Variants in TYW1 observed in about 807,000 individuals in gnomAD.
TYW1 encodes the protein S-adenosyl-L-methionine-dependent tRNA 4-demethylwyosine synthase TYW1.
In TYW1, 46 loss-of-function variants were observed where a neutral mutation model predicts 96.2. That is an observed-to-expected ratio of 0.48 (90% CI 0.38 to 0.61). TYW1 has a LOEUF of 0.61. Ranked by LOEUF, TYW1 falls within the 20% of genes least tolerant of loss-of-function variation. TYW1 has a pLI of 0.00. For missense variants in TYW1, 684 were observed against 909.6 expected, an observed-to-expected ratio of 0.75 and a Z score of 3.19; for synonymous variants, 274 against 323.0, an observed-to-expected ratio of 0.85 and a Z score of 1.63.
At chr7:67,067,131 A>T in intron 9 of TYW1, 154 bp from the exon 10 acceptor site, 1 of 818,440 alleles carries the variant, frequency 1.2e-6, no homozygotes, top group Non-Finnish European at 2.0e-6. Flanking sequence ...CAAAACACTG[A>T]AATGCTCTGA....
At chr7:67,038,237 G>A (rs1794901128) in intron 7 of TYW1, among the ~76,000 whole-genome samples, 1 of 151,994 alleles carries the variant, frequency 6.6e-6, no homozygotes, top group Non-Finnish European at 1.5e-5. Flanking sequence ...TGGGAGGCAG[G>A]GGTTGCAGTG....
At chr7:67,086,821 C>T (rs991861945) in intron 11 of TYW1, among the ~76,000 whole-genome samples, 8 of 152,056 alleles carry the variant, frequency 5.3e-5, no homozygotes, top group Admixed American at 2.6e-4. Flanking sequence ...ATCTGGACGC[C>T]GTGACCCAGA....
rs536910395 is a variant in TYW1 at position 67,103,348 on chromosome 7, C to T, written c.1562+4630C>T. The stretch of plus-strand genomic sequence containing the variant: ...GAAGTCCTAAGTATAAGACAACCCT[C>T]CTAGCCCCACATTTTCCCAATGAAA... On this transcript the variant is annotated intron_variant, in intron 12 of 15. Transcript: ENST00000359626. 5.9e-5 allele frequency among the ~76,000 whole-genome samples: 9 copies of T among 152,288 alleles called. 1 individual carries two copies. The South Asian group carries it at 1.9e-3, about 32-fold the overall frequency.
rs769737949 is a variant in TYW1 at position 67,195,256 on chromosome 7, C to T, written c.1896C>T (p.His632=). The change falls in exon 15 of 16, where the codon CAC becomes CAT. Residue 632 remains histidine, a synonymous_variant. Coordinates refer to ENST00000359626, the MANE Select transcript of TYW1 (RefSeq NM_018264.4). The part of the protein sequence containing the change: ...PWHEEVVQFV[H]ELVDLIPEYE... The stretch of plus-strand genomic sequence containing the variant: ...ATGAGGAAGTGGTACAGTTTGTCCA[C>T]GAGTTGGTGGATCTGATCCCCGAAT... 27 of 1,599,420 alleles carry T rather than the reference C, an allele frequency of 1.7e-5. No individual in the cohort carries two copies. The highest frequency in any genetic ancestry group is 6.9e-5 in the African/African-American group (5 of 72,612).
intron 13 of TYW1, among the ~76,000 whole-genome samples, chr7:67,173,116 A>G (rs910550225): frequency 6.6e-6 from 1 of 152,214 alleles, no homozygotes; most frequent in Non-Finnish European, 1.5e-5. Context: ...AATGCATTTT[A>G]ATGCATTTCC....
intron 15 of TYW1, among the ~76,000 whole-genome samples, chr7:67,196,205 AT>A (rs1415905055): frequency 6.6e-6 from 1 of 151,246 alleles, no homozygotes; most frequent in African/African-American, 2.4e-5. Context: ...TAATTTCTTA[AT>A]TTTGTATTTT....
intron 15 of TYW1, among the ~76,000 whole-genome samples, chr7:67,230,159 T>C (rs1452927949): frequency 6.6e-6 from 1 of 151,912 alleles, no homozygotes. Flanking sequence ...TCACTTAGCT[T>C]TTTTTGGACT....
At chr7:67,036,358 A>G (rs1438349869) in intron 7 of TYW1, among the ~76,000 whole-genome samples, 2 of 152,160 alleles carry the variant, frequency 1.3e-5, no homozygotes, top group Non-Finnish European at 2.9e-5. Context: ...ATCAGAAGCA[A>G]AGACCCTTTT....
chr7:67,233,039 G>A (rs1057443649), intron 15 of TYW1, among the ~76,000 whole-genome samples: 2 of 72,548 alleles, frequency 2.8e-5, no homozygotes, highest in African/African-American at 1.3e-4. Flanking sequence ...AGCCTTTGAG[G>A]AATTCTAAAG....
intron 13 of TYW1, among the ~76,000 whole-genome samples, chr7:67,175,083 C>T (rs556700281): frequency 6.6e-6 from 1 of 151,822 alleles, no homozygotes; most frequent in South Asian, 2.1e-4. Context: ...CTTGATGATA[C>T]CAGTCATCAG....
intron 15 of TYW1, among the ~76,000 whole-genome samples, chr7:67,237,151 G>A (rs1269484237): frequency 1.3e-5 from 2 of 152,178 alleles, no homozygotes; most frequent in South Asian, 2.1e-4. Context: ...CTTTGAAAGC[G>A]CTGGGATGAC....
At chr7:67,134,420 G>T (rs1798181028) in intron 13 of TYW1, among the ~76,000 whole-genome samples, 1 of 136,414 alleles carries the variant, frequency 7.3e-6, no homozygotes, top group Admixed American at 7.1e-5. Flanking sequence ...GCAGGCGCCT[G>T]TAATTCAGCT....
chr7:67,011,827 C>A (rs1207194161), intron 4 of TYW1, among the ~76,000 whole-genome samples: 1 of 149,756 alleles, frequency 6.7e-6, no homozygotes. Context: ...GAGCCAAGAT[C>A]GTGCCATTGC....
rs574522681 is a variant in TYW1, at chr7:67,049,766, C to T, written c.985-183C>T. Among the ~76,000 whole-genome samples the T allele has an allele frequency of 1.9e-3, 286 of 152,074 alleles. 1 individual carries two copies. Among genetic ancestry groups the T allele is most frequent in the Non-Finnish European group, 2.5e-3 (170 of 67,988 alleles). ...TTCACCATCTTGGCCGGGCTGGTCTCGATCTCCTGACCTCAGGTGATCCGC... is the reference window on the plus strand; with the variant it reads ...TTCACCATCTTGGCCGGGCTGGTCTTGATCTCCTGACCTCAGGTGATCCGC... On this transcript the variant is annotated intron_variant, in intron 7 of 15. Transcript: ENST00000359626.
At chr7:67,040,315 T>C (rs1794976272) in intron 7 of TYW1, among the ~76,000 whole-genome samples, 1 of 152,124 alleles carries the variant, frequency 6.6e-6, no homozygotes, top group Non-Finnish European at 1.5e-5. Flanking sequence ...CTTTCAAGTT[T>C]TCTGCTCTTA....
chr7:67,186,201 TAA>T (rs1416708755), intron 14 of TYW1, among the ~76,000 whole-genome samples: 2 of 144,730 alleles, frequency 1.4e-5, no homozygotes, highest in Non-Finnish European at 3.0e-5. Context: ...TATGTTGTAG[TAA>T]AACCTCTATT....
Position 67,117,648 on chromosome 7 carries a change from A to G in TYW1, c.1698+30A>G, listed in dbSNP as rs760120516. 4 of 1,592,930 alleles carry G rather than the reference A, an allele frequency of 2.5e-6. No individual in the cohort carries two copies. In the African/African-American group the frequency reaches 5.5e-5, roughly 22 times the overall value. The stretch of plus-strand genomic sequence containing the variant: ...GAATTATGACATCTTAAAAATAAAT[A>G]AACAACCCTCAGGTGTGTACTGAAG... On this transcript the variant is annotated intron_variant, in intron 13 of 15. Transcript: ENST00000359626.
intron 11 of TYW1, among the ~76,000 whole-genome samples, chr7:67,095,288 C>T (rs546987564): frequency 1.9e-4 from 29 of 152,058 alleles, no homozygotes; most frequent in East Asian, 3.9e-4. Flanking sequence ...CATGAGCTGC[C>T]GTGCCCAACC....
intron 13 of TYW1, among the ~76,000 whole-genome samples, chr7:67,179,173 G>A (rs890838354): frequency 7.4e-6 from 1 of 135,884 alleles, no homozygotes; most frequent in South Asian, 2.4e-4. Context: ...TAAGGGGCAG[G>A]CCAATGCAAA....
Sources: gnomAD v4.1 joint callset for allele counts (sites outside exome capture counted in the v4.1 genomes callset) on GRCh38, gnomAD v4.1.1 for gene constraint, MANE v1.5 for transcripts, NCBI Gene and HGNC (gene_info 2026-07-23, HGNC 2026-07-21) for gene names.